Variants in ZFAND3 observed in about 807,000 individuals in gnomAD.
The protein encoded by ZFAND3 is AN1-type zinc finger protein 3.
Under a neutral mutation model 29.6 loss-of-function variants are expected in ZFAND3, and 10 were observed. The ratio of observed to expected loss-of-function variants is 0.34; its 90% CI spans 0.21 to 0.57. The LOEUF (loss-of-function observed/expected upper bound fraction) is 0.57. ZFAND3 is among the 20% of genes least tolerant of loss of function. The pLI, the probability that ZFAND3 is intolerant of heterozygous loss-of-function variation, is 0.86. For missense variants in ZFAND3, 230 were observed against 304.5 expected, an observed-to-expected ratio of 0.76 and a Z score of 1.82; for synonymous variants, 128 against 112.6, an observed-to-expected ratio of 1.14 and a Z score of -0.87.
intron 3 of ZFAND3, among the ~76,000 whole-genome samples, chr6:38,065,535 G>C (rs1264067390): frequency 1.3e-5 from 2 of 152,174 alleles, no homozygotes; most frequent in Non-Finnish European, 2.9e-5. Flanking sequence ...ATTCTTCAAA[G>C]TTCTTTAGAT....
intron 5 of ZFAND3, among the ~76,000 whole-genome samples, chr6:38,118,228 A>G (rs1395839361): frequency 6.6e-6 from 1 of 152,176 alleles, no homozygotes; most frequent in Non-Finnish European, 1.5e-5. Flanking sequence ...CTGCCAGGCA[A>G]TTTTAAATTC....
At chr6:38,049,861 T>C (rs1581872358) in intron 2 of ZFAND3, among the ~76,000 whole-genome samples, 1 of 147,188 alleles carries the variant, frequency 6.8e-6, no homozygotes, top group African/African-American at 2.5e-5. Context: ...AGAGATTGAC[T>C]CTCCTCGCTC....
intron 1 of ZFAND3, among the ~76,000 whole-genome samples, chr6:37,828,249 A>G (rs79593757): frequency 0.064 from 9,727 of 152,328 alleles, 432 homozygotes; most frequent in Middle Eastern, 0.095. Flanking sequence ...ATTTTTTACA[A>G]GAAAGTAAAA....
intron 1 of ZFAND3, among the ~76,000 whole-genome samples, chr6:37,826,957 A>G (rs750550073): frequency 2.2e-4 from 33 of 152,196 alleles, no homozygotes; most frequent in Non-Finnish European, 4.3e-4. Context: ...CAGATATACA[A>G]CATTTTCATC....
chr6:38,000,513 A>G (rs887181665), intron 2 of ZFAND3, among the ~76,000 whole-genome samples: 1 of 152,164 alleles, frequency 6.6e-6, no homozygotes, highest in African/African-American at 2.4e-5. Context: ...CACATCTTAC[A>G]TGGTGGCAGG....
chr6:38,065,095 G>C (rs1367229027), intron 3 of ZFAND3, among the ~76,000 whole-genome samples: 1 of 152,194 alleles, frequency 6.6e-6, no homozygotes, highest in African/African-American at 2.4e-5. Context: ...GATGCGAGCA[G>C]ATCACAAGGT....
chr6:37,978,294 G>A (rs1762523799), intron 2 of ZFAND3, among the ~76,000 whole-genome samples: 2 of 152,120 alleles, frequency 1.3e-5, no homozygotes, highest in African/African-American at 2.4e-5. Flanking sequence ...ACAATTTTGG[G>A]ATAAATTCCG....
chr6:38,120,320 C>CTTTTTTT lies in ZFAND3; in HGVS notation c.529+3605_529+3611dup, dbSNP rs70981523. ...TGATTGATACACGTAGCTTGGCTTCCTTTTTTTTTTTTTTTTTTTTTTTTT... is the reference window on the plus strand; with the variant it reads ...TGATTGATACACGTAGCTTGGCTTCCTTTTTTTTTTTTTTTTTTTTTTTTTTTTTTTT... On this transcript the variant is annotated intron_variant, in intron 5 of 5. Coordinates refer to ENST00000287218, the MANE Select transcript of ZFAND3 (RefSeq NM_021943.3). 4.9e-3 allele frequency among the ~76,000 whole-genome samples: 299 copies of CTTTTTTT among 60,726 alleles called. 43 individuals carry two copies. Among genetic ancestry groups the CTTTTTTT allele is most frequent in the African/African-American group, 0.011 (194 of 17,780 alleles). 39.8% of individuals were successfully genotyped at this position (60,726 alleles called of 152,430 possible). A position where few individuals can be genotyped will look rare whatever the true frequency, so the allele number is the denominator to read the frequency against.
intron 4 of ZFAND3, among the ~76,000 whole-genome samples, chr6:38,094,230 G>T (rs887847928): frequency 6.6e-6 from 1 of 151,964 alleles, no homozygotes; most frequent in Non-Finnish European, 1.5e-5. Context: ...AGGGAAGATA[G>T]CATCTACAAG....
chr6:38,101,859 A>G (rs1245841440), intron 4 of ZFAND3, among the ~76,000 whole-genome samples: 1 of 151,516 alleles, frequency 6.6e-6, no homozygotes, highest in African/African-American at 2.4e-5. Context: ...AATTAAGCTG[A>G]TGCTAAACTG....
At chr6:38,074,417 A>G (rs939869115) in intron 3 of ZFAND3, among the ~76,000 whole-genome samples, 1 of 152,238 alleles carries the variant, frequency 6.6e-6, no homozygotes, top group Non-Finnish European at 1.5e-5. Flanking sequence ...TCAATGATGT[A>G]AGATACATAA....
intron 5 of ZFAND3, among the ~76,000 whole-genome samples, chr6:38,119,005 T>C (rs895182253): frequency 6.6e-6 from 1 of 152,194 alleles, no homozygotes; most frequent in African/African-American, 2.4e-5. Context: ...GATTTGACTT[T>C]TTCTGTTGGA....
At chr6:37,968,440 C>CAGAGG (rs762575550) in intron 2 of ZFAND3, among the ~76,000 whole-genome samples, 1 of 151,172 alleles carries the variant, frequency 6.6e-6, no homozygotes, top group Non-Finnish European at 1.5e-5. Context: ...GACCACCTGA[C>CAGAGG]AGAGGATCAG....
intron 2 of ZFAND3, among the ~76,000 whole-genome samples, chr6:38,032,878 T>C (rs1763588326): frequency 6.6e-6 from 1 of 152,234 alleles, no homozygotes; most frequent in Non-Finnish European, 1.5e-5. Flanking sequence ...TATTCAAATC[T>C]AGGAACTAAA....
At chr6:38,108,485 G>A (rs924712020) in intron 4 of ZFAND3, among the ~76,000 whole-genome samples, 1 of 152,180 alleles carries the variant, frequency 6.6e-6, no homozygotes, top group Non-Finnish European at 1.5e-5. Context: ...CTGCAGCCGA[G>A]CTCGAGTCCC....
intron 2 of ZFAND3, among the ~76,000 whole-genome samples, chr6:37,999,714 A>G (rs912459725): frequency 7.2e-5 from 11 of 152,216 alleles, no homozygotes; most frequent in African/African-American, 2.4e-4. Context: ...CTAAGAAACT[A>G]TCACAGCTAA....
intron 2 of ZFAND3, among the ~76,000 whole-genome samples, chr6:37,993,091 A>G (rs761962473): frequency 1.3e-5 from 2 of 151,968 alleles, no homozygotes; most frequent in Non-Finnish European, 2.9e-5. Context: ...GTACACATAC[A>G]TTTTTCCATC....
chr6:37,869,457 C>G (rs544950238), intron 1 of ZFAND3, among the ~76,000 whole-genome samples: 1 of 151,812 alleles, frequency 6.6e-6, no homozygotes, highest in Admixed American at 6.6e-5. Context: ...CGTGCCTGGC[C>G]GTTATTTTGT....
At chr6:38,024,677 C>T (rs1172428157) in intron 2 of ZFAND3, among the ~76,000 whole-genome samples, 1 of 152,110 alleles carries the variant, frequency 6.6e-6, no homozygotes, top group Non-Finnish European at 1.5e-5. Context: ...ACCTCAAAAA[C>T]ATTTATGTCA....
Sources: gnomAD v4.1 joint callset for allele counts (sites outside exome capture counted in the v4.1 genomes callset) on GRCh38, gnomAD v4.1.1 for gene constraint, MANE v1.5 for transcripts, NCBI Gene and HGNC (gene_info 2026-07-23, HGNC 2026-07-21) for gene names.